TARBP1: variants seen among roughly 807,000 people sequenced by gnomAD.
The protein encoded by TARBP1 is tRNA (guanosine(18)-2'-O)-methyltransferase TARBP1.
In TARBP1, 144 loss-of-function variants were observed where a neutral mutation model predicts 178.6. The observed-to-expected ratio is 0.81, with a 90% CI of 0.70 to 0.93. The LOEUF (loss-of-function observed/expected upper bound fraction) is 0.93, where lower values mean the gene tolerates loss of function less well. TARBP1 is among the 40% of genes least tolerant of loss of function. The pLI, the probability that TARBP1 is intolerant of heterozygous loss-of-function variation, is 0.00. For missense variants in TARBP1, 2,067 were observed against 2,011.7 expected (o/e 1.03, Z -0.53); for synonymous variants, 787 against 781.0 (o/e 1.01, Z -0.13).
chr1:234,451,861 T>C (rs931449225), intron 9 of TARBP1, among the ~76,000 whole-genome samples: 2 of 152,062 alleles, frequency 1.3e-5, no homozygotes, highest in Admixed American at 6.6e-5. Context: ...GAGGTTGTTC[T>C]GTGTAGGTCT....
Position 234,459,305 on chromosome 1 carries a change from C to T in TARBP1, c.1557G>A (p.Met519Ile). The change falls in exon 8 of 30, where the codon ATG becomes ATA. Residue 519 changes from methionine to isoleucine, a missense_variant. Coordinates refer to ENST00000040877, the MANE Select transcript of TARBP1 (RefSeq NM_005646.4). ...CTCTCAGGAGAATCTGATGTGTGAT[C>T]ATAGTGCAATGAATAACATCCCTGA... ...LALRDVIHCT[M>I]ITHQILLRGA... 6.2e-7 allele frequency: 1 copy of T among 1,612,488 alleles called. No homozygotes were observed. Among genetic ancestry groups the T allele is most frequent in the Non-Finnish European group, 8.5e-7 (1 of 1,179,340 alleles).
rs1380265076 is a variant in TARBP1 at position 234,441,202 on chromosome 1, G to A, written c.2135-3830C>T. On this transcript the variant is annotated intron_variant, in intron 12 of 29. Transcript: ENST00000040877. ...CTGTCTCTAAATAAATAAATGTAAG[G>A]AAATACCATATTCATGCATTAAAAG... 3.3e-4 allele frequency among the ~76,000 whole-genome samples: 50 copies of A among 152,080 alleles called. 1 individual carries two copies. Among genetic ancestry groups the A allele is most frequent in the Admixed American group, 3.3e-3 (50 of 15,246 alleles).
intron 12 of TARBP1, among the ~76,000 whole-genome samples, chr1:234,444,763 T>C (rs1030884263): frequency 1.3e-5 from 2 of 152,062 alleles, no homozygotes; most frequent in African/African-American, 2.4e-5. Flanking sequence ...TACCTGCACC[T>C]ACCTCTCTCT....
chr1:234,427,609 C>G lies in TARBP1; in HGVS notation c.3218G>C (p.Cys1073Ser). Residue 1073 changes from cysteine (C) to serine (S), a missense_variant, in exon 18 of 30, where the codon TGT becomes TCT. Cys to Ser is a moderately radical substitution (Grantham distance 112). Transcript: ENST00000040877. Reference protein sequence around the residue: ...KNYSELILEACIFGTVFRRDQ... With the variant: ...KNYSELILEASIFGTVFRRDQ... ...ACGCCTAAACACAGTTCCAAATATA[C>G]AAGCCTCAAGGATAAGTTCGCTATA... 6.3e-7 allele frequency: 1 copy of G among 1,599,118 alleles called. No individual in the cohort carries two copies. Among genetic ancestry groups the G allele is most frequent in the Non-Finnish European group, 8.5e-7 (1 of 1,176,274 alleles).
At chr1:234,413,492 C>T (rs1316901018) in intron 22 of TARBP1, among the ~76,000 whole-genome samples, 2 of 133,130 alleles carry the variant, frequency 1.5e-5, no homozygotes, top group Admixed American at 7.7e-5. Flanking sequence ...AAACAAAACA[C>T]ATTGTTTACA....
At chr1:234,416,666 C>G (rs927024189) in intron 22 of TARBP1, among the ~76,000 whole-genome samples, 1 of 152,114 alleles carries the variant, frequency 6.6e-6, no homozygotes, top group African/African-American at 2.4e-5. Context: ...GGTAAAAACT[C>G]CAACCTGTCT....
At chr1:234,458,318 T>G (rs1255911371) in intron 8 of TARBP1, among the ~76,000 whole-genome samples, 1 of 151,968 alleles carries the variant, frequency 6.6e-6, no homozygotes, top group Non-Finnish European at 1.5e-5. Flanking sequence ...CACTCTAGTC[T>G]GGGAGACAAG....
In TARBP1 at chr1:234,406,032, C is replaced by A; in HGVS notation, c.3860G>T (p.Arg1287Leu). 6.2e-7 allele frequency: 1 copy of A among 1,614,080 alleles called. No homozygotes were observed. Among genetic ancestry groups the A allele is most frequent in the Non-Finnish European group, 8.5e-7 (1 of 1,180,012 alleles). Residue 1287 changes from arginine (R) to leucine (L), a missense_variant, in exon 24 of 30, where the codon CGA (arginine) becomes CTA (leucine). Arg to Leu is a moderately radical substitution (Grantham distance 102, BLOSUM62 -2). Coordinates refer to ENST00000040877, the MANE Select transcript of TARBP1 (RefSeq NM_005646.4). ...QWCFNHNFSV[R>L]LYALVALKKL... Reference sequence around the variant, plus strand: ...CTTAAGAGCAACTAAAGCATACAGTCGAACACTAAAATTGTGATTGAAACA... The same window carrying A: ...CTTAAGAGCAACTAAAGCATACAGTAGAACACTAAAATTGTGATTGAAACA...
chr1:234,468,819 G>A (rs1463557722), intron 3 of TARBP1, among the ~76,000 whole-genome samples: 2 of 151,912 alleles, frequency 1.3e-5, no homozygotes, highest in South Asian at 4.2e-4. Flanking sequence ...TTGTGTCCCA[G>A]GTGGTGCCTT....
At chr1:234,477,578 G>A (rs942731669) in intron 1 of TARBP1, among the ~76,000 whole-genome samples, 4 of 152,170 alleles carry the variant, frequency 2.6e-5, no homozygotes, top group Non-Finnish European at 5.9e-5. Flanking sequence ...GCACATAGTA[G>A]GGAGCAAAGC....
At chr1:234,432,456 A>G (rs185337595) in intron 14 of TARBP1, among the ~76,000 whole-genome samples, 1 of 152,190 alleles carries the variant, frequency 6.6e-6, no homozygotes, top group Non-Finnish European at 1.5e-5. Context: ...ATATATATAT[A>G]GGAAAAGATA....
intron 13 of TARBP1, among the ~76,000 whole-genome samples, chr1:234,436,310 T>C (rs1029951083): frequency 6.6e-6 from 1 of 152,176 alleles, no homozygotes; most frequent in African/African-American, 2.4e-5. Context: ...AAACTTAAAT[T>C]TTAAAGTTAC....
rs146073309 is a variant in TARBP1, at chr1:234,450,491, T to C, written c.1798A>G (p.Thr600Ala). The C allele has an allele frequency of 1.4e-4, 219 of 1,611,846 alleles. 3 individuals are homozygous for C. The Middle Eastern group carries it at 8.6e-3, about 63-fold the overall frequency. ...PTCSSIGLHK[T>A]SLNAYVKSIV... The stretch of plus-strand genomic sequence containing the variant: ...CTCTTTACATAAGCATTTAAAGATG[T>C]CTTGTGAAGTCCAATGGAGCTACAC... Residue 600 changes from threonine (T) to alanine (A), a missense_variant, in exon 10 of 30, where the codon ACA becomes GCA. By Grantham distance (58) the Thr-to-Ala change is moderately conservative. Coordinates refer to ENST00000040877, the MANE Select transcript of TARBP1 (RefSeq NM_005646.4).
rs753732474 is a variant in TARBP1 at position 234,392,410 on chromosome 1, T to G, written c.4697+6A>C. The G allele has an allele frequency of 1.2e-6, 2 of 1,613,712 alleles. No individual in the cohort carries two copies. Among genetic ancestry groups the G allele is most frequent in the South Asian group, 2.2e-5 (2 of 90,948 alleles). On this transcript the variant is annotated splice_donor_region_variant and intron_variant, in intron 29 of 29. Coordinates refer to ENST00000040877, the MANE Select transcript of TARBP1 (RefSeq NM_005646.4). Reference sequence around the variant, plus strand: ...GAATATACTATGGACACAAGAAGCTTCTTACCCCAACAAGAGCAGAGATTT... The same window carrying G: ...GAATATACTATGGACACAAGAAGCTGCTTACCCCAACAAGAGCAGAGATTT...
Position 234,463,836 on chromosome 1 carries a change from C to A in TARBP1, c.1399+1G>T, listed in dbSNP as rs112373155. The A allele has an allele frequency of 6.5e-7, 1 of 1,538,614 alleles. No homozygotes were observed. The highest frequency in any genetic ancestry group is 1.3e-5 in the South Asian group (1 of 79,204). On this transcript the variant is annotated splice_donor_variant, in intron 6 of 29. Transcript: ENST00000040877. LOFTEE classifies it high-confidence loss of function. ...TAAAAAAACCCTTTACTGACACATA[C>A]TCTTTATTTCTTCTGGAAGAAGAGA...
chr1:234,393,903 C>T (rs1280612861), intron 26 of TARBP1, 66 bp from the exon 27 acceptor site: 11 of 1,118,120 alleles, frequency 9.8e-6, no homozygotes, highest in Non-Finnish European at 1.3e-5. Flanking sequence ...TTTATGTATA[C>T]ATGTATATGT....
At position 234,393,763 on chromosome 1, in the gene TARBP1, G is replaced by T. The variant is rs767127624; in HGVS notation, c.4318C>A (p.Arg1440Ser). 1 of 1,613,956 alleles carries T rather than the reference G, an allele frequency of 6.2e-7. No homozygotes were observed. The highest frequency in any genetic ancestry group is 1.1e-5 in the South Asian group (1 of 91,080). The change falls in exon 27 of 30, where the codon CGT (arginine) becomes AGT (serine). Residue 1440 changes from arginine (R) to serine (S), a missense_variant. Transcript: ENST00000040877. ...AGCTCCAGGTCTAAGTCGGAAACACGACTGTTCCACGGGATAATCTTCTTC... is the reference window on the plus strand; with the variant it reads ...AGCTCCAGGTCTAAGTCGGAAACACTACTGTTCCACGGGATAATCTTCTTC... ...VQKKIIPWNS[R>S]VSDLDLELLF...
chr1:234,427,736 T>C lies in TARBP1; in HGVS notation c.3091A>G (p.Ile1031Val), dbSNP rs746889414. 25 of 1,460,316 alleles carry C rather than the reference T, an allele frequency of 1.7e-5. No individual in the cohort carries two copies. The highest frequency in any genetic ancestry group is 2.2e-5 in the Non-Finnish European group (24 of 1,107,818). The allele number at this position is 1,460,316 out of a possible 1,614,324, so 90.5% of individuals were successfully genotyped here. ...AGTGTATTGAAGACTCCAGTCTTTA[T>C]AGCAGACATTTCAATTATCTTGTAC... ...IMYKIIEMSA[I>V]KTGVFNTLIS... Residue 1031 changes from isoleucine to valine, a missense_variant, in exon 18 of 30, where the codon ATA becomes GTA. Physicochemically the swap from Ile to Val is conservative, Grantham distance 29. Coordinates refer to ENST00000040877, the MANE Select transcript of TARBP1 (RefSeq NM_005646.4).
chr1:234,437,299 T>C lies in TARBP1; in HGVS notation c.2208A>G (p.Arg736=). The C allele has an allele frequency of 6.3e-7, 1 of 1,582,148 alleles. No individual in the cohort carries two copies. Among genetic ancestry groups the C allele is most frequent in the Non-Finnish European group, 8.6e-7 (1 of 1,159,766 alleles). The change falls in exon 13 of 30, where the codon AGA becomes AGG. Residue 736 remains arginine, a synonymous_variant. Transcript: ENST00000040877. ...TESISEFILR[R]LTMNELNSVS... is the part of the protein sequence containing the mutation. Reference sequence around the variant, plus strand: ...CACTATTTAGCTCATTCATAGTAAGTCTTCTGAGAATAAATTCAGAAATGC... The same window carrying C: ...CACTATTTAGCTCATTCATAGTAAGCCTTCTGAGAATAAATTCAGAAATGC...
Sources: allele counts gnomAD v4.1 joint callset (sites outside exome capture counted in the v4.1 genomes callset), GRCh38; gene constraint gnomAD v4.1.1; transcripts MANE v1.5; gene names NCBI Gene and HGNC (gene_info 2026-07-23, HGNC 2026-07-21).